The following ABCC11 variants were observed in gnomAD, a reference collection of about 807,000 sequenced individuals.
ABCC11 encodes the protein ATP binding cassette subfamily C member 11.
In ABCC11, 135 loss-of-function variants were observed where a neutral mutation model predicts 149.3. The ratio of observed to expected loss-of-function variants is 0.90; its 90% confidence interval spans 0.79 to 1.04. ABCC11 has a LOEUF of 1.04. Ranked by LOEUF, ABCC11 falls within the 50% of genes least tolerant of loss-of-function variation. The probability of loss-of-function intolerance (pLI) is 0.00; values close to 1 mark genes in which losing one functional copy is unlikely to be tolerated. For synonymous variants in ABCC11, 665 were observed against 671.4 expected (o/e 0.99, Z 0.15); for missense variants, 1,680 against 1,722.1 (o/e 0.98, Z 0.43).
In ABCC11 at chr16:48,226,733, TGGG is replaced by T. The variant is rs1970099405; in HGVS notation, c.395+1070_395+1072del. Among the ~76,000 whole-genome samples the T allele has an allele frequency of 5.9e-5, 9 of 152,340 alleles. 1 individual carries two copies. In the South Asian group the frequency reaches 1.9e-3, roughly 32 times the overall value. The stretch of plus-strand genomic sequence containing the variant: ...CTTACCAAATAGGTCTGAGAAGGAA[TGGG>T]TCAAAGTTTACCCAGTTTCTGTACT... On this transcript the variant is annotated intron_variant, in intron 4 of 29. Transcript: ENST00000356608.
At chr16:48,212,121 G>C (rs1278864009) in intron 10 of ABCC11, among the ~76,000 whole-genome samples, 1 of 152,214 alleles carries the variant, frequency 6.6e-6, no homozygotes, top group East Asian at 1.9e-4. Flanking sequence ...CATAGCTGCT[G>C]AGAAGTCAGG....
intron 6 of ABCC11, among the ~76,000 whole-genome samples, chr16:48,220,712 ACAGT>A (rs1969677783): frequency 6.6e-6 from 1 of 152,346 alleles, no homozygotes; most frequent in Middle Eastern, 3.4e-3. Flanking sequence ...AAAATGGTGA[ACAGT>A]AATAACCATA....
rs1970175083 is a variant in ABCC11, at chr16:48,227,861, C to T, written c.340G>A (p.Glu114Lys). ...MIQSLRSRLD[E>K]NTIPPLSVHD... ...ACTGACAGTGGAGGGATGGTGTTCT[C>T]ATCTAAGCGACTCCGTAAGCTTTGG... is the stretch of plus-strand genomic sequence containing the variant. The change falls in exon 4 of 30, where the codon GAG becomes AAG. Residue 114 changes from glutamate to lysine, a missense_variant. Glu to Lys is a moderately conservative substitution (Grantham distance 56, BLOSUM62 1). Coordinates refer to ENST00000356608, the MANE Select transcript of ABCC11 (RefSeq NM_001370497.1). 6.2e-7 allele frequency: 1 copy of T among 1,613,648 alleles called. No homozygotes were observed. Among genetic ancestry groups the T allele is most frequent in the Non-Finnish European group, 8.5e-7 (1 of 1,179,686 alleles).
chr16:48,205,350 C>A (rs1327329276), intron 13 of ABCC11, 63 bp downstream of exon 13: 1 of 1,600,160 alleles, frequency 6.2e-7, no homozygotes, highest in East Asian at 2.3e-5. Flanking sequence ...CCGTTTGAAG[C>A]TGGAGGTGCC....
rs147261386 is a variant in ABCC11 at position 48,217,321 on chromosome 16, C to T, written c.778-1034G>A. On this transcript the variant is annotated intron_variant, in intron 6 of 29. Transcript: ENST00000356608. ...CTCCCACATATACTGCCTGGCTCAA[C>T]GCTATATAAAAAGTAACATTTGGCC... Among the ~76,000 whole-genome samples the T allele has an allele frequency of 4.3e-3, 650 of 152,120 alleles. 6 individuals are homozygous for T. The highest frequency in any genetic ancestry group is 0.015 in the African/African-American group (621 of 41,474).
In ABCC11 at chr16:48,175,346, C is replaced by T. The variant is rs772566323; in HGVS notation, c.3610G>A (p.Val1204Met). 6.9e-5 allele frequency: 112 copies of T among 1,614,150 alleles called. No homozygotes were observed. Among genetic ancestry groups the T allele is most frequent in the Admixed American group, 4.8e-4 (29 of 60,032 alleles). ...PMAGRILIDG[V>M]DICSIGLEDL... Reference sequence around the variant, plus strand: ...TCCAGGCCGATGCTGCAAATGTCCACGCCGTCAATGAGAATCCGGCCTGCC... The same window carrying T: ...TCCAGGCCGATGCTGCAAATGTCCATGCCGTCAATGAGAATCCGGCCTGCC... The change falls in exon 26 of 30, where the codon GTG (valine) becomes ATG (methionine). Residue 1204 changes from valine (V) to methionine (M), a missense_variant. By Grantham distance (21) the Val-to-Met change is conservative. Coordinates refer to ENST00000356608, the MANE Select transcript of ABCC11 (RefSeq NM_001370497.1).
chr16:48,232,023 G>A, intron 1 of ABCC11, 84 bp from the exon 2 acceptor site: 1 of 1,583,798 alleles, frequency 6.3e-7, no homozygotes, highest in Non-Finnish European at 8.6e-7. Context: ...CCAGAAGAGG[G>A]GGCACTACCC....
At chr16:48,215,768 A>G (rs1969293850) in intron 7 of ABCC11, among the ~76,000 whole-genome samples, 1 of 152,208 alleles carries the variant, frequency 6.6e-6, no homozygotes, top group Non-Finnish European at 1.5e-5. Flanking sequence ...CTGTGCTCAG[A>G]CAAATGTTAA....
At chr16:48,227,167 G>C (rs1360524291) in intron 4 of ABCC11, among the ~76,000 whole-genome samples, 1 of 152,104 alleles carries the variant, frequency 6.6e-6, no homozygotes, top group African/African-American at 2.4e-5. Flanking sequence ...AAAGGGACTA[G>C]AAGTGGTCAT....
rs1453012378 is a variant in ABCC11 at position 48,244,422 on chromosome 16, C to T, written c.-19+2892G>A. On this transcript the variant is annotated intron_variant, in intron 1 of 29. Coordinates refer to ENST00000356608, the MANE Select transcript of ABCC11 (RefSeq NM_001370497.1). ...AGTGAGCCCCATCCAGATCCCCAGT[C>T]GCCTCCCGCTGCTGCTCACCCACGA... 2 of 1,582,594 alleles carry T rather than the reference C, an allele frequency of 1.3e-6. No individual in the cohort carries two copies. The highest frequency in any genetic ancestry group is 2.4e-5 in the East Asian group (1 of 42,096).
chr16:48,201,426 G>A (rs1053722254), intron 14 of ABCC11, among the ~76,000 whole-genome samples: 10 of 151,790 alleles, frequency 6.6e-5, no homozygotes, highest in Admixed American at 3.9e-4. Context: ...GACTACAGGC[G>A]GTGCCATCAC....
In ABCC11 at chr16:48,175,404, C is replaced by A; in HGVS notation, c.3552G>T (p.Leu1184Phe). 1 of 1,610,194 alleles carries A rather than the reference C, an allele frequency of 6.2e-7. No individual in the cohort carries two copies. Among genetic ancestry groups the A allele is most frequent in the Non-Finnish European group, 8.5e-7 (1 of 1,176,856 alleles). The change falls in exon 26 of 30, where the codon TTG (leucine) becomes TTT (phenylalanine). Residue 1184 changes from leucine (L) to phenylalanine (F), a missense_variant. By Grantham distance (22) the Leu-to-Phe change is conservative. Transcript: ENST00000356608. ...CCACCAGGCGGAAGAGAGCCATGCC[C>A]AAGGAGGACTTCCCTGTGGGGCAAG... ...VGRTGSGKSS[L>F]GMALFRLVEP...
intron 22 of ABCC11, among the ~76,000 whole-genome samples, chr16:48,184,848 A>G (rs950406330): frequency 6.6e-6 from 1 of 152,232 alleles, no homozygotes; most frequent in Non-Finnish European, 1.5e-5. Flanking sequence ...CTCTGCTGCT[A>G]AGGCCCATCC....
At chr16:48,226,329 C>T (rs1970072267) in intron 4 of ABCC11, among the ~76,000 whole-genome samples, 1 of 140,596 alleles carries the variant, frequency 7.1e-6, no homozygotes, top group Non-Finnish European at 1.5e-5. Flanking sequence ...GGCTGGAGTG[C>T]AGTGGCGCAA....
intron 15 of ABCC11, 73 bp downstream of exon 15, chr16:48,200,203 A>G (rs1053954381): frequency 2.0e-6 from 3 of 1,477,622 alleles, no homozygotes; most frequent in African/African-American, 1.4e-5. Context: ...ATTGAATCAC[A>G]CTCTGAAATG....
intron 13 of ABCC11, 111 bp from the exon 14 acceptor site, chr16:48,203,411 A>AGGCCGGGCG: frequency 2.2e-6 from 2 of 927,312 alleles, no homozygotes; most frequent in Non-Finnish European, 3.3e-6. Context: ...TTTAGACTTG[A>AGGCCGGGCG]TGGTGTTTAA....
intron 3 of ABCC11, 143 bp downstream of exon 3, chr16:48,230,294 C>A: frequency 1.0e-6 from 1 of 975,904 alleles, no homozygotes; most frequent in Non-Finnish European, 1.4e-6. Flanking sequence ...ATGTGCCTCC[C>A]TGGTGTGCCT....
chr16:48,243,792 G>C (rs865830085), intron 1 of ABCC11, among the ~76,000 whole-genome samples: 2 of 152,166 alleles, frequency 1.3e-5, no homozygotes, highest in Admixed American at 6.5e-5. Flanking sequence ...AGGAGTTAAA[G>C]ACCAGCCTGG....
At chr16:48,168,658 C>T (rs1319685641) in intron 28 of ABCC11, among the ~76,000 whole-genome samples, 1 of 152,182 alleles carries the variant, frequency 6.6e-6, no homozygotes, top group Non-Finnish European at 1.5e-5. Flanking sequence ...ATCTAGAAAG[C>T]TTCTGGAAGC....
Sources: gnomAD v4.1 joint callset for allele counts (sites outside exome capture counted in the v4.1 genomes callset) on GRCh38, gnomAD v4.1.1 for gene constraint, MANE v1.5 for transcripts, NCBI Gene and HGNC (gene_info 2026-07-23, HGNC 2026-07-21) for gene names.